Variants in PHYHIPL observed in about 807,000 individuals in gnomAD.
PHYHIPL encodes the protein phytanoyl-CoA 2-hydroxylase interacting protein like, also known as phytanoyl-CoA hydroxylase-interacting protein-like.
In PHYHIPL, 9 loss-of-function variants were observed where a neutral mutation model predicts 33.4. That is an observed-to-expected ratio of 0.27 (90% CI 0.16 to 0.47). PHYHIPL has a LOEUF of 0.47. Among genes scored for constraint, PHYHIPL ranks in the 20% least tolerant of loss-of-function variants. PHYHIPL has a pLI of 0.99. For missense variants in PHYHIPL, 365 were observed against 460.7 expected (o/e 0.79, Z 1.90); for synonymous variants, 153 against 154.1 (o/e 0.99, Z 0.05).
At chr10:59,202,400 T>C (rs1226492069) in intron 1 of PHYHIPL, among the ~76,000 whole-genome samples, 1 of 152,216 alleles carries the variant, frequency 6.6e-6, no homozygotes, top group Non-Finnish European at 1.5e-5. Flanking sequence ...TTTACATGAT[T>C]AGCCAAGGAA....
chr10:59,189,085 A>G (rs903290642), intron 1 of PHYHIPL, among the ~76,000 whole-genome samples: 1 of 152,148 alleles, frequency 6.6e-6, no homozygotes, highest in Non-Finnish European at 1.5e-5. Flanking sequence ...ACAAAAATTT[A>G]TGTAAATATC....
chr10:59,186,874 G>A (rs990900298), intron 1 of PHYHIPL, among the ~76,000 whole-genome samples: 1 of 152,132 alleles, frequency 6.6e-6, no homozygotes, highest in Non-Finnish European at 1.5e-5. Flanking sequence ...CTGAGACAAT[G>A]GGGTTTTCTA....
rs180799168 is a variant in PHYHIPL, at chr10:59,190,934, T to C, written c.106+13975T>C. Among the ~76,000 whole-genome samples, 136 of 152,026 alleles carry C rather than the reference T, an allele frequency of 8.9e-4. 2 individuals carry two copies. The East Asian group carries it at 0.019, about 21-fold the overall frequency. On this transcript the variant is annotated intron_variant, in intron 1 of 4. Coordinates refer to ENST00000373880, the MANE Select transcript of PHYHIPL (RefSeq NM_032439.4). ...TAAATGTGATTATCCAAAACTATTT[T>C]TTAAATATCTAAATATCTAATCCTT...
Position 59,245,163 on chromosome 10 carries a change from G to C in PHYHIPL, c.703G>C (p.Glu235Gln). 6.2e-7 allele frequency: 1 copy of C among 1,614,142 alleles called. No individual in the cohort carries two copies. Among genetic ancestry groups the C allele is most frequent in the Non-Finnish European group, 8.5e-7 (1 of 1,180,026 alleles). Residue 235 changes from glutamate (E) to glutamine (Q), a missense_variant, in exon 5 of 5, where the codon GAA becomes CAA. Glu to Gln is a conservative substitution (Grantham distance 29). Coordinates refer to ENST00000373880, the MANE Select transcript of PHYHIPL (RefSeq NM_032439.4). ...LEGIFFSCST[E>Q]FNTGKPPQDS... Reference sequence around the variant, plus strand: ...AGGCATCTTCTTCAGCTGCAGCACTGAATTCAATACTGGAAAGCCACCCCA... The same window carrying C: ...AGGCATCTTCTTCAGCTGCAGCACTCAATTCAATACTGGAAAGCCACCCCA...
At chr10:59,223,100 A>G (rs1839825355) in intron 1 of PHYHIPL, among the ~76,000 whole-genome samples, 1 of 152,252 alleles carries the variant, frequency 6.6e-6, no homozygotes, top group Non-Finnish European at 1.5e-5. Flanking sequence ...GGATATAGCT[A>G]TCAACATAGG....
chr10:59,244,082 G>A lies in PHYHIPL; in HGVS notation c.597-975G>A, dbSNP rs188800298. Among the ~76,000 whole-genome samples, 8 of 152,188 alleles carry A rather than the reference G, an allele frequency of 5.3e-5. No individual in the cohort carries two copies. The East Asian group carries it at 1.4e-3, about 26-fold the overall frequency. On this transcript the variant is annotated intron_variant, in intron 4 of 4. Transcript: ENST00000373880. The stretch of plus-strand genomic sequence containing the variant: ...TACCTCCTCCTACTCTATATATGCT[G>A]GTGCCTCACATTGGTAGAACTGAAA...
At chr10:59,219,480 ATTG>A (rs1458462249) in intron 1 of PHYHIPL, among the ~76,000 whole-genome samples, 5 of 152,158 alleles carry the variant, frequency 3.3e-5, no homozygotes, top group Admixed American at 3.3e-4. Flanking sequence ...CATACCCAAA[ATTG>A]TTGTATCAAT....
At chr10:59,189,697 A>T (rs1342885222) in intron 1 of PHYHIPL, among the ~76,000 whole-genome samples, 1 of 152,042 alleles carries the variant, frequency 6.6e-6, no homozygotes, top group Non-Finnish European at 1.5e-5. Context: ...GTAGATAATT[A>T]TAATAATATT....
At chr10:59,221,692 G>A (rs1249054434) in intron 1 of PHYHIPL, 2 of 984,594 alleles carry the variant, frequency 2.0e-6, no homozygotes, top group African/African-American at 3.5e-5. Flanking sequence ...GCTGTATTGT[G>A]AAGGATTAGC....
rs560947074 is a variant in PHYHIPL, at chr10:59,224,495, C to A, written c.107-9809C>A. On this transcript the variant is annotated intron_variant, in intron 1 of 4. Transcript: ENST00000373880. ...CAAAACAAAACAAAACAAAACAAAA[C>A]AAAAAACAAAACAAAAAACAAAACA... Among the ~76,000 whole-genome samples the A allele has an allele frequency of 2.3e-3, 123 of 53,654 alleles. 2 individuals carry two copies. Among genetic ancestry groups the A allele is most frequent in the Non-Finnish European group, 5.0e-3 (89 of 17,640 alleles). The allele number at this position is 53,654 out of a possible 152,430, so 35.2% of individuals were successfully genotyped here.
intron 2 of PHYHIPL, among the ~76,000 whole-genome samples, chr10:59,235,297 C>T (rs2133287466): frequency 6.6e-6 from 1 of 151,862 alleles, no homozygotes; most frequent in East Asian, 1.9e-4. Context: ...TATTTATTCA[C>T]ATATCATATA....
rs537026959 is a variant in PHYHIPL at position 59,185,629 on chromosome 10, G to A, written c.106+8670G>A. ...CTCCACATCCTCTCCAGCACCTGTT[G>A]TTTCCTGACCTTTTAATGATCGCCA... On this transcript the variant is annotated intron_variant, in intron 1 of 4. Coordinates refer to ENST00000373880, the MANE Select transcript of PHYHIPL (RefSeq NM_032439.4). Among the ~76,000 whole-genome samples, 497 of 152,280 alleles carry A rather than the reference G, an allele frequency of 3.3e-3. 5 individuals are homozygous for A. Among genetic ancestry groups the A allele is most frequent in the African/African-American group, 8.3e-3 (346 of 41,548 alleles).
At chr10:59,214,424 T>C (rs1042422490) in intron 1 of PHYHIPL, among the ~76,000 whole-genome samples, 2 of 152,140 alleles carry the variant, frequency 1.3e-5, no homozygotes, top group Non-Finnish European at 2.9e-5. Context: ...GCAATTATAC[T>C]GTACATCCCT....
chr10:59,236,724 A>G (rs927828517), intron 3 of PHYHIPL, 67 bp downstream of exon 3: 1 of 1,356,536 alleles, frequency 7.4e-7, no homozygotes, highest in Middle Eastern at 2.1e-4. Context: ...ATAGAAAAAT[A>G]TTTCTTTTTT....
At chr10:59,215,216 A>AT (rs1350193345) in intron 1 of PHYHIPL, among the ~76,000 whole-genome samples, 1 of 152,000 alleles carries the variant, frequency 6.6e-6, no homozygotes, top group Non-Finnish European at 1.5e-5. Flanking sequence ...TGTCATATGT[A>AT]TTTTTTAAAT....
chr10:59,210,107 C>T (rs1707658199), intron 1 of PHYHIPL, among the ~76,000 whole-genome samples: 1 of 152,078 alleles, frequency 6.6e-6, no homozygotes, highest in Non-Finnish European at 1.5e-5. Flanking sequence ...AGAGCTTCTG[C>T]ACAGCAAAAG....
At chr10:59,218,551 A>G (rs994231637) in intron 1 of PHYHIPL, among the ~76,000 whole-genome samples, 2 of 152,166 alleles carry the variant, frequency 1.3e-5, no homozygotes, top group African/African-American at 4.8e-5. Flanking sequence ...AAGAGTTCTG[A>G]GAGAAGAGCT....
At chr10:59,182,318 T>G (rs1838432935) in intron 1 of PHYHIPL, among the ~76,000 whole-genome samples, 1 of 152,164 alleles carries the variant, frequency 6.6e-6, no homozygotes, top group Admixed American at 6.5e-5. Flanking sequence ...CTATACCTCC[T>G]TTTTAAACTT....
At chr10:59,239,626 A>C (rs749066204) in intron 4 of PHYHIPL, among the ~76,000 whole-genome samples, 1 of 152,070 alleles carries the variant, frequency 6.6e-6, no homozygotes, top group Non-Finnish European at 1.5e-5. Context: ...GCCTATGTTT[A>C]TCCCTGGAAG....
Sources: gnomAD v4.1 joint callset for allele counts (sites outside exome capture counted in the v4.1 genomes callset) on GRCh38, gnomAD v4.1.1 for gene constraint, MANE v1.5 for transcripts, NCBI Gene and HGNC (gene_info 2026-07-23, HGNC 2026-07-21) for gene names.